The following MOB3B variants were observed in gnomAD, a reference collection of about 807,000 sequenced individuals.
MOB3B encodes MOB kinase activator 3B, also known as MOB kinase activator-like 2B.
Under a neutral mutation model 18.7 loss-of-function variants are expected in MOB3B, and 7 were observed. That is an observed-to-expected ratio of 0.37 (90% CI 0.21 to 0.70). MOB3B has a LOEUF of 0.70. Among genes scored for constraint, MOB3B ranks in the 30% least tolerant of loss-of-function variants. MOB3B has a pLI of 0.52. For missense variants in MOB3B, 253 were observed against 281.3 expected (o/e 0.90, Z 0.72); for synonymous variants, 111 against 99.9 (o/e 1.11, Z -0.66).
At chr9:27,359,380 G>C in intron 2 of MOB3B, 144 bp from the exon 3 acceptor site, 4 of 461,700 alleles carry the variant, frequency 8.7e-6, no homozygotes, top group Middle Eastern at 6.0e-4. Flanking sequence ...TGTGTGTGTG[G>C]GGGGGGGGGG....
intron 1 of MOB3B, among the ~76,000 whole-genome samples, chr9:27,473,500 C>T (rs1339879103): frequency 1.3e-5 from 2 of 152,020 alleles, no homozygotes; most frequent in South Asian, 2.1e-4. Context: ...GGACCTGTTG[C>T]CCTGAGAGCT....
chr9:27,409,821 A>C (rs1822037747), intron 2 of MOB3B, among the ~76,000 whole-genome samples: 2 of 152,216 alleles, frequency 1.3e-5, no homozygotes, highest in Non-Finnish European at 2.9e-5. Flanking sequence ...TAAGCCAGAC[A>C]GAGAAGGACA....
chr9:27,529,312 G>T (rs916994104), intron 1 of MOB3B, among the ~76,000 whole-genome samples: 4 of 152,178 alleles, frequency 2.6e-5, no homozygotes, highest in African/African-American at 4.8e-5. Context: ...GGCGACCCTT[G>T]TTCCTGCCGG....
rs186172221 is a variant in MOB3B, at chr9:27,408,315, G to A, written c.418+46818C>T. On this transcript the variant is annotated intron_variant, in intron 2 of 3. Coordinates refer to ENST00000262244, the MANE Select transcript of MOB3B (RefSeq NM_024761.5). ...ATTGGGAGTGAAAGTAAAAATTTCCGCTTCCTCAGAAAAATCTGCTTGACA... is the reference window on the plus strand; with the variant it reads ...ATTGGGAGTGAAAGTAAAAATTTCCACTTCCTCAGAAAAATCTGCTTGACA... Among the ~76,000 whole-genome samples the A allele has an allele frequency of 2.0e-4, 31 of 152,210 alleles. 1 individual carries two copies. The highest frequency in any genetic ancestry group is 1.9e-3 in the South Asian group (9 of 4,820).
At chr9:27,473,046 T>A (rs1226289999) in intron 1 of MOB3B, among the ~76,000 whole-genome samples, 1 of 152,208 alleles carries the variant, frequency 6.6e-6, no homozygotes, top group Non-Finnish European at 1.5e-5. Context: ...AGATTTTAAG[T>A]GATTACACAA....
chr9:27,389,907 T>C (rs1821702800), intron 2 of MOB3B, among the ~76,000 whole-genome samples: 1 of 151,988 alleles, frequency 6.6e-6, no homozygotes, highest in South Asian at 2.1e-4. Flanking sequence ...GGATATGGCC[T>C]CTGAATTTTT....
Position 27,529,768 on chromosome 9 carries a change from G to C in MOB3B, c.-412C>G. 1 of 985,428 alleles carries C rather than the reference G, an allele frequency of 1.0e-6. No homozygotes were observed. The highest frequency in any genetic ancestry group is 1.2e-6 in the Non-Finnish European group (1 of 829,954). 61.0% of individuals were successfully genotyped at this position (985,428 alleles called of 1,614,324 possible). On this transcript the variant is annotated 5_prime_UTR_variant, in exon 1 of 4. Transcript: ENST00000262244. ...CTGCAGCCGCCGTCGCTCCGGAGCA[G>C]CCCCCTCATGCACCCAGCGCGCCGC...
intron 2 of MOB3B, among the ~76,000 whole-genome samples, chr9:27,416,605 T>C (rs966405355): frequency 1.5e-5 from 2 of 137,456 alleles, no homozygotes; most frequent in African/African-American, 5.4e-5. Flanking sequence ...TAGTCTGGAG[T>C]GGAATGCCTT....
chr9:27,491,311 A>G (rs1819814894), intron 1 of MOB3B, among the ~76,000 whole-genome samples: 1 of 152,210 alleles, frequency 6.6e-6, no homozygotes, highest in South Asian at 2.1e-4. Context: ...AAGGAAGTGT[A>G]TTCATGCTAT....
At chr9:27,353,403 G>C (rs1446488991) in intron 3 of MOB3B, among the ~76,000 whole-genome samples, 1 of 152,112 alleles carries the variant, frequency 6.6e-6, no homozygotes. Context: ...TACTTATGAA[G>C]TACTTCCTCC....
intron 2 of MOB3B, among the ~76,000 whole-genome samples, chr9:27,402,261 C>T (rs184327190): frequency 2.3e-3 from 345 of 152,270 alleles, no homozygotes; most frequent in Non-Finnish European, 3.7e-3. Flanking sequence ...TATGCTCCCC[C>T]GATCAGAGGA....
intron 1 of MOB3B, among the ~76,000 whole-genome samples, chr9:27,508,833 A>G (rs940724989): frequency 1.3e-5 from 2 of 152,192 alleles, no homozygotes; most frequent in Non-Finnish European, 2.9e-5. Context: ...AATAGGGCCC[A>G]TTGAGGCTGT....
chr9:27,371,848 T>C (rs1232382490), intron 2 of MOB3B, among the ~76,000 whole-genome samples: 3 of 152,102 alleles, frequency 2.0e-5, no homozygotes, highest in South Asian at 2.1e-4. Context: ...TCTAGATTCT[T>C]ACATGAAACC....
At chr9:27,407,133 G>A (rs6475995) in intron 2 of MOB3B, among the ~76,000 whole-genome samples, 57,885 of 151,972 alleles carry the variant, frequency 0.38, 12,134 homozygotes, top group East Asian at 0.78. Flanking sequence ...TACCACGCCC[G>A]GCCCAAAGAT....
chr9:27,454,025 G>T (rs566652079), intron 2 of MOB3B, among the ~76,000 whole-genome samples: 4 of 152,210 alleles, frequency 2.6e-5, no homozygotes, highest in African/African-American at 9.6e-5. Context: ...AAGTATGAGG[G>T]AACTGGACAA....
At chr9:27,466,399 T>A (rs1163373616) in intron 1 of MOB3B, among the ~76,000 whole-genome samples, 1 of 152,174 alleles carries the variant, frequency 6.6e-6, no homozygotes, top group African/African-American at 2.4e-5. Context: ...CAACAAGTCT[T>A]TAGGAGGTTC....
At chr9:27,406,521 T>C (rs1821980526) in intron 2 of MOB3B, among the ~76,000 whole-genome samples, 1 of 152,210 alleles carries the variant, frequency 6.6e-6, no homozygotes, top group Admixed American at 6.5e-5. Context: ...AACAGCATGA[T>C]ATTGGCATAA....
intron 2 of MOB3B, among the ~76,000 whole-genome samples, chr9:27,439,321 T>C (rs1225830759): frequency 3.3e-5 from 5 of 152,200 alleles, no homozygotes; most frequent in Non-Finnish European, 5.9e-5. Flanking sequence ...CTAGTTGTCA[T>C]ACTCTAATAA....
At chr9:27,468,637 GA>G (rs1288743794) in intron 1 of MOB3B, among the ~76,000 whole-genome samples, 3 of 152,146 alleles carry the variant, frequency 2.0e-5, no homozygotes, top group Non-Finnish European at 4.4e-5. Flanking sequence ...TGAGGGTTGG[GA>G]GCACACCCTA....
Sources: allele counts gnomAD v4.1 joint callset (sites outside exome capture counted in the v4.1 genomes callset), GRCh38; gene constraint gnomAD v4.1.1; transcripts MANE v1.5; gene names NCBI Gene and HGNC (gene_info 2026-07-23, HGNC 2026-07-21).